PDHX: variants seen among roughly 807,000 people sequenced by gnomAD.
PDHX encodes pyruvate dehydrogenase protein X component, mitochondrial.
A neutral mutation model predicts 55.3 loss-of-function variants in PDHX; 33 were observed. That is an observed-to-expected ratio of 0.60 (90% CI 0.45 to 0.80). The LOEUF is 0.80. Ranked by LOEUF, PDHX falls within the 30% of genes least tolerant of loss-of-function variation. The pLI, the probability that PDHX is intolerant of heterozygous loss-of-function variation, is 0.00. For missense variants in PDHX, 622 were observed against 619.9 expected (o/e 1.00, Z -0.04); for synonymous variants, 226 against 219.4 (o/e 1.03, Z -0.27).
chr11:34,983,274 C>G (rs1311137017), intron 8 of PDHX, among the ~76,000 whole-genome samples: 1 of 152,088 alleles, frequency 6.6e-6, no homozygotes, highest in African/African-American at 2.4e-5. Flanking sequence ...GGACGTATCT[C>G]AAAATAATAA....
chr11:34,931,496 C>T lies in PDHX; in HGVS notation c.241+12C>T. On this transcript the variant is annotated intron_variant, in intron 2 of 10. Transcript: ENST00000227868. The stretch of plus-strand genomic sequence containing the variant: ...GCTGAAAAAGGAAGGTGAGGAGGTA[C>T]CTTCCTAATGTCCTGTGTGCTTTGT... 2 of 1,488,044 alleles carry T rather than the reference C, an allele frequency of 1.3e-6. No individual in the cohort carries two copies. Among genetic ancestry groups the T allele is most frequent in the Non-Finnish European group, 9.4e-7 (1 of 1,068,674 alleles). 92.2% of individuals were successfully genotyped at this position (1,488,044 alleles called of 1,614,324 possible).
intron 2 of PDHX, among the ~76,000 whole-genome samples, chr11:34,936,311 C>T (rs1209277215): frequency 6.6e-6 from 1 of 152,100 alleles, no homozygotes. Context: ...TAATTCTGTT[C>T]CTCAGTGGGG....
At chr11:34,964,158 CT>C (rs1855079751) in intron 5 of PDHX, among the ~76,000 whole-genome samples, 1 of 152,158 alleles carries the variant, frequency 6.6e-6, no homozygotes, top group African/African-American at 2.4e-5. Context: ...ATTTTTATAG[CT>C]TTTAATGTCT....
At chr11:34,994,084 A>G (rs1416252920) in intron 10 of PDHX, among the ~76,000 whole-genome samples, 2 of 152,192 alleles carry the variant, frequency 1.3e-5, no homozygotes, top group African/African-American at 2.4e-5. Flanking sequence ...GGGATATGAG[A>G]AATGCATTGT....
intron 8 of PDHX, among the ~76,000 whole-genome samples, chr11:34,978,418 C>G (rs1293244585): frequency 6.6e-6 from 1 of 152,050 alleles, no homozygotes; most frequent in Non-Finnish European, 1.5e-5. Context: ...AGAGATAGAG[C>G]AGTAAACAAA....
chr11:34,921,572 A>G (rs940585190), intron 1 of PDHX, among the ~76,000 whole-genome samples: 3 of 152,340 alleles, frequency 2.0e-5, no homozygotes, highest in South Asian at 2.1e-4. Flanking sequence ...TGCTATGACC[A>G]TCTGACTAAA....
At chr11:34,920,251 A>G (rs981131754) in intron 1 of PDHX, among the ~76,000 whole-genome samples, 3 of 152,194 alleles carry the variant, frequency 2.0e-5, no homozygotes, top group African/African-American at 7.2e-5. Context: ...AATTGGTAAG[A>G]TGTTAATTAA....
intron 2 of PDHX, among the ~76,000 whole-genome samples, chr11:34,944,441 A>G (rs1390465279): frequency 6.6e-6 from 1 of 152,166 alleles, no homozygotes; most frequent in Non-Finnish European, 1.5e-5. Context: ...TTTTTAATAA[A>G]TGTTTGTTGA....
At chr11:34,954,912 A>G (rs1225318830) in intron 3 of PDHX, among the ~76,000 whole-genome samples, 1 of 152,194 alleles carries the variant, frequency 6.6e-6, no homozygotes, top group Non-Finnish European at 1.5e-5. Context: ...CATAACTAGT[A>G]AGTGGTGGAG....
intron 8 of PDHX, among the ~76,000 whole-genome samples, chr11:34,980,311 T>TA (rs1472602055): frequency 6.6e-6 from 1 of 150,416 alleles, no homozygotes; most frequent in Non-Finnish European, 1.5e-5. Flanking sequence ...CTTTAATGTG[T>TA]AATTCATTTT....
upstream of PDHX, chr11:34,916,616 T>G (rs369228797): frequency 6.2e-7 from 1 of 1,600,478 alleles, no homozygotes; most frequent in Non-Finnish European, 8.5e-7. Flanking sequence ...ATGCTGGACA[T>G]CAGGCTGTGC....
chr11:34,967,121 G>A (rs567401571), intron 6 of PDHX, among the ~76,000 whole-genome samples: 1 of 152,006 alleles, frequency 6.6e-6, no homozygotes, highest in Non-Finnish European at 1.5e-5. Flanking sequence ...CAAAGTGCTG[G>A]GATTACAGGT....
intron 2 of PDHX, among the ~76,000 whole-genome samples, chr11:34,934,037 T>C (rs2985405): frequency 1.3e-5 from 2 of 151,950 alleles, no homozygotes; most frequent in African/African-American, 4.8e-5. Context: ...TTCTGCTATA[T>C]GAACCGTAGC....
intron 9 of PDHX, among the ~76,000 whole-genome samples, chr11:34,987,805 G>A (rs1052684556): frequency 1.3e-5 from 2 of 151,794 alleles, no homozygotes; most frequent in African/African-American, 2.4e-5. Flanking sequence ...TCCAAGTTAA[G>A]CAAGATTATA....
intron 5 of PDHX, 128 bp from the exon 6 acceptor site, chr11:34,966,512 G>A (rs1459669712): frequency 1.1e-6 from 1 of 886,168 alleles, no homozygotes; most frequent in Admixed American, 1.8e-5. Context: ...CAAATTACTG[G>A]TTTTTAATTA....
intron 9 of PDHX, among the ~76,000 whole-genome samples, chr11:34,986,615 T>C (rs1855651063): frequency 6.6e-6 from 1 of 152,194 alleles, no homozygotes; most frequent in Admixed American, 6.5e-5. Flanking sequence ...TTCTGAGCAA[T>C]TTACCAAATT....
intron 5 of PDHX, among the ~76,000 whole-genome samples, chr11:34,963,560 G>T (rs7114970): frequency 0.1 from 15,351 of 152,182 alleles, 1,622 homozygotes; most frequent in African/African-American, 0.27. Flanking sequence ...GAATGCAGAC[G>T]TGAGCCACTG....
At chr11:34,917,408 A>G (rs776972982) in intron 1 of PDHX, among the ~76,000 whole-genome samples, 8 of 152,216 alleles carry the variant, frequency 5.3e-5, no homozygotes, top group African/African-American at 7.2e-5. Context: ...GAGATAAATC[A>G]TACCAAAAAT....
At chr11:34,945,765 A>G (rs1247271334) in intron 2 of PDHX, among the ~76,000 whole-genome samples, 4 of 152,178 alleles carry the variant, frequency 2.6e-5, no homozygotes, top group Non-Finnish European at 4.4e-5. Flanking sequence ...TATAACTTGC[A>G]TAAACTTTAG....
Sources: allele counts gnomAD v4.1 joint callset (sites outside exome capture counted in the v4.1 genomes callset), GRCh38; gene constraint gnomAD v4.1.1; transcripts MANE v1.5; gene names NCBI Gene and HGNC (gene_info 2026-07-23, HGNC 2026-07-21).